Variants in GABRE observed in about 807,000 individuals in gnomAD.
GABRE encodes the protein gamma-aminobutyric acid receptor subunit epsilon.
Under a neutral mutation model 31.0 loss-of-function variants are expected in GABRE, and 20 were observed. The ratio of observed to expected loss-of-function variants is 0.64; its 90% CI spans 0.45 to 0.94. The LOEUF (loss-of-function observed/expected upper bound fraction) is 0.94, where lower values mean the gene tolerates loss of function less well. Among genes scored for constraint, GABRE ranks in the 40% least tolerant of loss-of-function variants. The pLI is 0.00. For synonymous variants in GABRE, 155 were observed against 150.6 expected (o/e 1.03, Z -0.21); for missense variants, 420 against 410.7 (o/e 1.02, Z -0.20).
At chrX:151,966,095 A>T (rs2124173474) in intron 3 of GABRE, among the ~76,000 whole-genome samples, 1 of 112,368 alleles carries the variant, frequency 8.9e-6, no homozygotes, top group South Asian at 3.7e-4. Flanking sequence ...TATGTTATGA[A>T]GTGTTTCAAA....
chrX:151,963,509 A>T (rs1934443187), intron 3 of GABRE, among the ~76,000 whole-genome samples: 1 of 112,492 alleles, frequency 8.9e-6, no homozygotes, highest in South Asian at 3.7e-4. Context: ...TTTGAAAATG[A>T]TTCCACACTT....
chrX:151,974,541 G>T (rs781184255), intron 1 of GABRE, 29 bp downstream of exon 1: 83 of 1,094,799 alleles, frequency 7.6e-5, no homozygotes, highest in Non-Finnish European at 9.2e-5. Context: ...GGGCGCGAAG[G>T]GCTCCCGGGT....
chrX:151,954,654 C>T lies in GABRE; in HGVS notation c.*47G>A. 9.7e-7 allele frequency: 1 copy of T among 1,036,211 alleles called. No homozygotes were observed. The highest frequency in any genetic ancestry group is 1.3e-6 in the Non-Finnish European group (1 of 767,068). 85.4% of individuals were successfully genotyped at this position (1,036,211 alleles called of 1,213,427 possible). Reference sequence around the variant, plus strand: ...CAACTCCCTTGGCAAGGGGCTTGGACCTCCTGGGGAACTGGAGAGGTTGCC... The same window carrying T: ...CAACTCCCTTGGCAAGGGGCTTGGATCTCCTGGGGAACTGGAGAGGTTGCC... On this transcript the variant is annotated 3_prime_UTR_variant, in exon 9 of 9. Coordinates refer to ENST00000370328, the MANE Select transcript of GABRE (RefSeq NM_004961.4).
chrX:151,973,000 T>TG (rs750580715), intron 1 of GABRE, among the ~76,000 whole-genome samples: 92 of 104,658 alleles, frequency 8.8e-4, no homozygotes, highest in Admixed American at 1.5e-3. Flanking sequence ...GTGTGAGAAG[T>TG]GGGGGGGGGA....
intron 6 of GABRE, 119 bp from the exon 7 acceptor site, chrX:151,955,979 G>T: frequency 1.4e-6 from 1 of 710,676 alleles, no homozygotes; most frequent in Non-Finnish European, 2.1e-6. Flanking sequence ...ATAGAGGCAT[G>T]ATGTGACAAT....
intron 1 of GABRE, among the ~76,000 whole-genome samples, chrX:151,973,147 C>T (rs1213793983): frequency 1.8e-5 from 2 of 111,272 alleles, no homozygotes; most frequent in African/African-American, 6.6e-5. Flanking sequence ...TAAGCCTGGA[C>T]CAGGGAGAGG....
At chrX:151,962,890 T>A (rs1223120031) in intron 3 of GABRE, among the ~76,000 whole-genome samples, 3 of 111,467 alleles carry the variant, frequency 2.7e-5, no homozygotes, top group Non-Finnish European at 5.6e-5. Flanking sequence ...GAGAAGTCAG[T>A]CATGCCCTGC....
chrX:151,973,382 G>T (rs1430933019), intron 1 of GABRE, among the ~76,000 whole-genome samples: 1 of 111,382 alleles, frequency 9.0e-6, no homozygotes, highest in Non-Finnish European at 1.9e-5. Flanking sequence ...CCATTTTGAG[G>T]GATGTGGATG....
At chrX:151,964,538 G>A (rs1004244516) in intron 3 of GABRE, among the ~76,000 whole-genome samples, 4 of 111,296 alleles carry the variant, frequency 3.6e-5, no homozygotes, top group South Asian at 7.6e-4. Flanking sequence ...CCATGGGCTG[G>A]GCTCTTCATC....
chrX:151,959,813 C>T lies in GABRE; in HGVS notation c.784+26G>A, dbSNP rs186167333. The stretch of plus-strand genomic sequence containing the variant: ...CAATCATCCCTACCACCTTCCTGGA[C>T]TTCCGCCAAGCCCTGGCACGCTTAC... On this transcript the variant is annotated intron_variant, in intron 6 of 8. Coordinates refer to ENST00000370328, the MANE Select transcript of GABRE (RefSeq NM_004961.4). 752 of 1,203,368 alleles carry T rather than the reference C, an allele frequency of 6.2e-4. 5 individuals are homozygous for T. In the African/African-American group the frequency reaches 0.012, roughly 19 times the overall value.
chrX:151,965,781 T>C (rs756617037), intron 3 of GABRE, among the ~76,000 whole-genome samples: 10 of 112,902 alleles, frequency 8.9e-5, no homozygotes, highest in Non-Finnish European at 1.9e-4. Flanking sequence ...GGACAAAAGA[T>C]TGTAAAAGCA....
Position 151,961,383 on chromosome X carries a change from G to A in GABRE, c.564-18C>T. 1.8e-6 allele frequency: 2 copies of A among 1,127,770 alleles called. No individual in the cohort carries two copies. The highest frequency in any genetic ancestry group is 2.4e-6 in the Non-Finnish European group (2 of 821,387). 92.9% of individuals were successfully genotyped at this position (1,127,770 alleles called of 1,213,427 possible). A position where few individuals can be genotyped will look rare whatever the true frequency, so the allele number is the denominator to read the frequency against. On this transcript the variant is annotated intron_variant, in intron 4 of 8. Coordinates refer to ENST00000370328, the MANE Select transcript of GABRE (RefSeq NM_004961.4). ...TGGTCATCCTGGAAGGGAGAAAGGA[G>A]CCTCATCAGGCTGGCCCTAAGCACT...
intron 1 of GABRE, chrX:151,972,775 G>T: frequency 2.2e-6 from 1 of 446,261 alleles, no homozygotes; most frequent in Non-Finnish European, 2.8e-6. Context: ...AGGTCCTTGG[G>T]GTTAAAGAGC....
chrX:151,966,990 T>C (rs1265991150), intron 3 of GABRE, among the ~76,000 whole-genome samples: 3 of 111,920 alleles, frequency 2.7e-5, no homozygotes, highest in Non-Finnish European at 5.6e-5. Context: ...TGAGTGGGGC[T>C]ACTGCTCTGC....
intron 3 of GABRE, among the ~76,000 whole-genome samples, chrX:151,963,567 C>T (rs1001727263): frequency 1.2e-4 from 14 of 112,422 alleles, no homozygotes; most frequent in African/African-American, 4.5e-4. Context: ...ATGGTCCATG[C>T]AGATCTTACT....
rs186250846 is a variant in GABRE at position 151,972,318 on chromosome X, A to G, written c.57-1916T>C. ...TACAGTTTCTACTTTCAAATGCCAT[A>G]TCTAGAAGATGTCCTCTTTCCCTGA... On this transcript the variant is annotated intron_variant, in intron 1 of 8. Transcript: ENST00000370328. 4.0e-6 allele frequency: 3 copies of G among 752,205 alleles called. No homozygotes were observed. The African/African-American group carries it at 7.0e-5, about 17-fold the overall frequency. 62.0% of individuals were successfully genotyped at this position (752,205 alleles called of 1,213,427 possible).
chrX:151,955,622 T>G (rs1934139507), intron 7 of GABRE, 55 bp from the exon 8 acceptor site: 3 of 1,196,638 alleles, frequency 2.5e-6, no homozygotes, highest in Non-Finnish European at 3.4e-6. Context: ...CGACATTGGT[T>G]AAAAGACTCC....
At chrX:151,973,732 G>C (rs1287999698) in intron 1 of GABRE, among the ~76,000 whole-genome samples, 1 of 111,878 alleles carries the variant, frequency 8.9e-6, no homozygotes, top group Non-Finnish European at 1.9e-5. Flanking sequence ...GACCCTCCTA[G>C]CCAAGTCTCA....
At chrX:151,965,155 G>T (rs1249801474) in intron 3 of GABRE, among the ~76,000 whole-genome samples, 1 of 111,820 alleles carries the variant, frequency 8.9e-6, no homozygotes, top group African/African-American at 3.3e-5. Flanking sequence ...CATCTCAGGG[G>T]AGCTGGGGGG....
Sources: gnomAD v4.1 joint callset for allele counts (sites outside exome capture counted in the v4.1 genomes callset) on GRCh38, gnomAD v4.1.1 for gene constraint, MANE v1.5 for transcripts, NCBI Gene and HGNC (gene_info 2026-07-23, HGNC 2026-07-21) for gene names.